The following PABPC4L variants were observed in gnomAD, a reference collection of about 807,000 sequenced individuals.
PABPC4L encodes the protein poly(A) binding protein cytoplasmic 4 like.
For synonymous variants in PABPC4L, 169 were observed against 164.1 expected, an observed-to-expected ratio of 1.03 and a Z score of -0.23; for missense variants, 452 against 451.4, an observed-to-expected ratio of 1.00 and a Z score of -0.01.
At chr4:134,175,496 T>C in the PABPC4L span, among the ~76,000 whole-genome samples, 1 of 152,056 alleles carries the variant, frequency 6.6e-6, no homozygotes, top group Non-Finnish European at 1.5e-5. Context: ...TCGCCCAGGC[T>C]GAATTGCAGT....
At chr4:134,162,579 C>T in the PABPC4L span, among the ~76,000 whole-genome samples, 2 of 152,056 alleles carry the variant, frequency 1.3e-5, no homozygotes, top group Non-Finnish European at 2.9e-5. Flanking sequence ...CTCATCAGCA[C>T]ATGGAAATTC....
chr4:134,164,514 A>G, the PABPC4L span, among the ~76,000 whole-genome samples: 1 of 152,118 alleles, frequency 6.6e-6, no homozygotes, highest in East Asian at 1.9e-4. Flanking sequence ...ACAAGAATGC[A>G]ATCCCTTTTA....
At chr4:133,957,297 C>A in the PABPC4L span, among the ~76,000 whole-genome samples, 4 of 152,176 alleles carry the variant, frequency 2.6e-5, 1 homozygote, top group South Asian at 8.3e-4. Flanking sequence ...CATGCTAGTC[C>A]GAAATCTAGT....
At chr4:134,007,285 C>A in the PABPC4L span, among the ~76,000 whole-genome samples, 4 of 151,304 alleles carry the variant, frequency 2.6e-5, no homozygotes, top group African/African-American at 9.7e-5. Flanking sequence ...TTATCTAATT[C>A]TTTTAATATG....
the PABPC4L span, among the ~76,000 whole-genome samples, chr4:134,106,835 GT>G: frequency 6.6e-6 from 1 of 151,336 alleles, no homozygotes; most frequent in African/African-American, 2.4e-5. Flanking sequence ...TGGGTAGGAG[GT>G]TGCATCCTTT....
chr4:134,022,313 T>C, the PABPC4L span, among the ~76,000 whole-genome samples: 1 of 152,142 alleles, frequency 6.6e-6, no homozygotes, highest in East Asian at 1.9e-4. Context: ...TTTCCCTAAA[T>C]TAGCCGCATT....
At chr4:134,193,935 G>T (rs2126195188), downstream of PABPC4L, among the ~76,000 whole-genome samples, 1 of 151,912 alleles carries the variant, frequency 6.6e-6, no homozygotes, top group South Asian at 2.1e-4. Context: ...AACTTAATTT[G>T]GAATTTCATG....
the PABPC4L span, among the ~76,000 whole-genome samples, chr4:134,036,201 G>T: frequency 2.0e-5 from 3 of 152,162 alleles, no homozygotes; most frequent in South Asian, 6.2e-4. Context: ...GTAAACAAGA[G>T]AATTTTGTAA....
chr4:133,952,383 C>T, the PABPC4L span, among the ~76,000 whole-genome samples: 1 of 152,084 alleles, frequency 6.6e-6, no homozygotes, highest in Non-Finnish European at 1.5e-5. Context: ...GGATATTTTA[C>T]TAAGGAGGCC....
At chr4:134,022,120 G>A in the PABPC4L span, among the ~76,000 whole-genome samples, 1 of 152,042 alleles carries the variant, frequency 6.6e-6, no homozygotes, top group Non-Finnish European at 1.5e-5. Flanking sequence ...ACAATTGCCA[G>A]ATTATGAATG....
chr4:134,160,971 A>G, the PABPC4L span, among the ~76,000 whole-genome samples: 2 of 152,266 alleles, frequency 1.3e-5, no homozygotes, highest in East Asian at 3.9e-4. Flanking sequence ...CTGGAGTGAC[A>G]GATACATGAC....
chr4:134,006,805 C>T, the PABPC4L span, among the ~76,000 whole-genome samples: 1 of 151,684 alleles, frequency 6.6e-6, no homozygotes, highest in Middle Eastern at 3.4e-3. Context: ...TTATTTGGTT[C>T]AAAACTCGTA....
At chr4:134,022,348 C>G in the PABPC4L span, among the ~76,000 whole-genome samples, 6 of 152,212 alleles carry the variant, frequency 3.9e-5, no homozygotes, top group African/African-American at 1.4e-4. Context: ...TCCCCAAAAT[C>G]TTCAGTGATG....
At position 134,199,789 on chromosome 4, in the gene PABPC4L, T is replaced by C. The variant is rs1450228387; in HGVS notation, c.*118A>G. ...ATAAAAAACGTTTTATCATAAAGTT[T>C]ACTAAACTAAGCACCCATCATGTGG... On this transcript the variant is annotated 3_prime_UTR_variant, in exon 2 of 2. Transcript: ENST00000421491. 2 of 1,311,482 alleles carry C rather than the reference T, an allele frequency of 1.5e-6. No homozygotes were observed. Among genetic ancestry groups the C allele is most frequent in the Non-Finnish European group, 2.0e-6 (2 of 981,066 alleles). 81.2% of individuals were successfully genotyped at this position (1,311,482 alleles called of 1,614,324 possible).
chr4:134,004,585 T>A, the PABPC4L span, among the ~76,000 whole-genome samples: 1 of 151,824 alleles, frequency 6.6e-6, no homozygotes, highest in East Asian at 1.9e-4. Flanking sequence ...AAAATTACCA[T>A]ATAATGCAGC....
Position 134,200,000 on chromosome 4 carries a change from G to T in PABPC4L, c.1020C>A (p.Ser340=). The change falls in exon 2 of 2, where the codon TCC becomes TCA. Residue 340 remains serine, a synonymous_variant. Coordinates refer to ENST00000421491, the MANE Select transcript of PABPC4L (RefSeq NM_001114734.2). ...QSKGFGLICF[S]SPEDATKAMT... ...TTGCTTTAGTAGCATCCTCAGGAGAGGAGAAGCAGATCAAGCCAAACCCTT... is the reference window on the plus strand; with the variant it reads ...TTGCTTTAGTAGCATCCTCAGGAGATGAGAAGCAGATCAAGCCAAACCCTT... 1 of 1,551,592 alleles carries T rather than the reference G, an allele frequency of 6.4e-7. No homozygotes were observed. The highest frequency in any genetic ancestry group is 8.7e-7 in the Non-Finnish European group (1 of 1,146,918).
At chr4:134,129,408 T>C in the PABPC4L span, among the ~76,000 whole-genome samples, 1 of 151,994 alleles carries the variant, frequency 6.6e-6, no homozygotes, top group Non-Finnish European at 1.5e-5. Flanking sequence ...TTCTCCAAGA[T>C]AGACCATATA....
the PABPC4L span, among the ~76,000 whole-genome samples, chr4:134,021,097 TCTTA>T: frequency 6.6e-6 from 1 of 152,080 alleles, no homozygotes; most frequent in Non-Finnish European, 1.5e-5. Context: ...AAATTATACC[TCTTA>T]TTTAAGTTTC....
At chr4:134,084,189 C>T in the PABPC4L span, among the ~76,000 whole-genome samples, 1 of 152,074 alleles carries the variant, frequency 6.6e-6, no homozygotes, top group African/African-American at 2.4e-5. Flanking sequence ...GCTAGGACTA[C>T]AGGCTCACAG....
Sources: allele counts gnomAD v4.1 joint callset (sites outside exome capture counted in the v4.1 genomes callset), GRCh38; gene constraint gnomAD v4.1.1; transcripts MANE v1.5; gene names NCBI Gene and HGNC (gene_info 2026-07-23, HGNC 2026-07-21).